The following ADAMTSL1 variants were observed in gnomAD, a reference collection of about 807,000 sequenced individuals.
ADAMTSL1 encodes ADAMTS-like protein 1.
Under a neutral mutation model 201.8 loss-of-function variants are expected in ADAMTSL1, and 126 were observed. The observed-to-expected ratio is 0.62, with a 90% CI of 0.54 to 0.72. ADAMTSL1 has a LOEUF of 0.72. ADAMTSL1 is among the 30% of genes least tolerant of loss of function. The pLI is 0.00. For missense variants in ADAMTSL1, 2,679 were observed against 2,277.8 expected (o/e 1.18, Z -3.59); for synonymous variants, 1,121 against 903.4 (o/e 1.24, Z -4.32).
At chr9:18,014,287 C>T (rs1216827297) in intron 1 of ADAMTSL1, among the ~76,000 whole-genome samples, 1 of 151,894 alleles carries the variant, frequency 6.6e-6, no homozygotes, top group African/African-American at 2.4e-5. Flanking sequence ...ACCTGATATG[C>T]AACATCATGT....
intron 23 of ADAMTSL1, among the ~76,000 whole-genome samples, chr9:18,840,510 G>A (rs905602897): frequency 2.0e-4 from 30 of 152,260 alleles, no homozygotes; most frequent in South Asian, 1.0e-3. Context: ...GGTTGACTTC[G>A]CGATGTGGGC....
At chr9:18,413,634 T>TA (rs1279731412) in intron 2 of ADAMTSL1, among the ~76,000 whole-genome samples, 2 of 152,234 alleles carry the variant, frequency 1.3e-5, no homozygotes, top group African/African-American at 4.8e-5. Flanking sequence ...TCTGGTACAG[T>TA]ATATTGACTT....
At chr9:18,771,705 C>CTTTTTTTTTTTTT (rs374268861) in intron 17 of ADAMTSL1, among the ~76,000 whole-genome samples, 1 of 91,732 alleles carries the variant, frequency 1.1e-5, no homozygotes, top group Non-Finnish European at 2.0e-5. Context: ...ACCCCAGTGC[C>CTTTTTTTTTTTTT]TTTTTTTTTT....
intron 1 of ADAMTSL1, among the ~76,000 whole-genome samples, chr9:18,016,033 G>C (rs1232368166): frequency 1.3e-5 from 2 of 152,018 alleles, no homozygotes; most frequent in African/African-American, 4.8e-5. Context: ...AGCCTTGTAT[G>C]CCAGGTAACA....
intron 2 of ADAMTSL1, among the ~76,000 whole-genome samples, chr9:18,166,627 C>A (rs1187854176): frequency 2.6e-5 from 4 of 151,880 alleles, no homozygotes; most frequent in African/African-American, 9.7e-5. Flanking sequence ...ATCCCCAGCA[C>A]ATAGAGCATT....
intron 2 of ADAMTSL1, among the ~76,000 whole-genome samples, chr9:18,284,090 C>T (rs183726129): frequency 1.3e-3 from 199 of 149,810 alleles, no homozygotes; most frequent in African/African-American, 4.2e-3. Flanking sequence ...ATTAGCTGGG[C>T]GTGGTCACAC....
intron 2 of ADAMTSL1, among the ~76,000 whole-genome samples, chr9:18,417,850 G>A (rs1298826703): frequency 4.6e-5 from 7 of 152,166 alleles, no homozygotes; most frequent in Non-Finnish European, 7.4e-5. Flanking sequence ...TAAAAATGCA[G>A]AGAAAACTTC....
intron 15 of ADAMTSL1, among the ~76,000 whole-genome samples, chr9:18,743,572 A>C (rs1052277165): frequency 3.9e-5 from 6 of 152,178 alleles, no homozygotes; most frequent in African/African-American, 1.4e-4. Flanking sequence ...TTGCCACTTC[A>C]GGTGTTTGAT....
At chr9:18,655,324 T>A (rs1266958979) in intron 7 of ADAMTSL1, among the ~76,000 whole-genome samples, 1 of 152,218 alleles carries the variant, frequency 6.6e-6, no homozygotes, top group African/African-American at 2.4e-5. Context: ...AATTTTTGTC[T>A]TGTCTTTTCA....
intron 1 of ADAMTSL1, among the ~76,000 whole-genome samples, chr9:18,001,562 G>C (rs376387801): frequency 3.3e-5 from 5 of 152,064 alleles, no homozygotes; most frequent in Non-Finnish European, 5.9e-5. Context: ...TTCAAAGAAG[G>C]TTTCCAGGAA....
At chr9:18,480,308 G>A (rs1480815237) in intron 1 of ADAMTSL1, among the ~76,000 whole-genome samples, 3 of 152,190 alleles carry the variant, frequency 2.0e-5, no homozygotes, top group African/African-American at 4.8e-5. Context: ...AAAATAGCTA[G>A]AAGTACTATA....
intron 1 of ADAMTSL1, among the ~76,000 whole-genome samples, chr9:18,476,857 G>T (rs549044410): frequency 6.6e-6 from 1 of 152,200 alleles, no homozygotes; most frequent in South Asian, 2.1e-4. Flanking sequence ...TCTGTATCAT[G>T]ACTAGGTTCT....
intron 9 of ADAMTSL1, among the ~76,000 whole-genome samples, chr9:18,675,504 A>G (rs538298165): frequency 1.3e-5 from 2 of 152,306 alleles, no homozygotes; most frequent in South Asian, 2.1e-4. Context: ...TAATGATGAT[A>G]ATAATAATGA....
chr9:18,066,213 A>G (rs1586974334), intron 1 of ADAMTSL1, among the ~76,000 whole-genome samples: 1 of 152,218 alleles, frequency 6.6e-6, no homozygotes, highest in African/African-American at 2.4e-5. Flanking sequence ...AAGCATCCCA[A>G]GTCTTGGGAA....
At chr9:17,935,812 C>T (rs775652288) in intron 1 of ADAMTSL1, among the ~76,000 whole-genome samples, 6 of 152,166 alleles carry the variant, frequency 3.9e-5, no homozygotes, top group Non-Finnish European at 8.8e-5. Flanking sequence ...TCAACTTCTG[C>T]TTTTATCTAC....
chr9:18,588,809 G>C (rs145595042), intron 4 of ADAMTSL1, among the ~76,000 whole-genome samples: 13 of 141,758 alleles, frequency 9.2e-5, no homozygotes, highest in African/African-American at 3.0e-4. Flanking sequence ...CTGTTCCATT[G>C]GTGTATCTGT....
chr9:18,251,588 T>C (rs1831466372), intron 2 of ADAMTSL1, among the ~76,000 whole-genome samples: 1 of 152,248 alleles, frequency 6.6e-6, no homozygotes. Context: ...TTATGTATTC[T>C]TTGTTTGCAG....
At chr9:18,487,390 T>C (rs562664309) in intron 1 of ADAMTSL1, among the ~76,000 whole-genome samples, 15 of 152,342 alleles carry the variant, frequency 9.8e-5, no homozygotes, top group African/African-American at 3.4e-4. Flanking sequence ...AAAGTAGATA[T>C]GCTTTGGAAC....
intron 2 of ADAMTSL1, among the ~76,000 whole-genome samples, chr9:18,214,031 C>G (rs1442890234): frequency 9.2e-5 from 14 of 152,146 alleles, no homozygotes; most frequent in African/African-American, 3.1e-4. Context: ...GCCACCGCCC[C>G]TCGCCCAAAG....
Sources: gnomAD v4.1 joint callset for allele counts (sites outside exome capture counted in the v4.1 genomes callset) on GRCh38, gnomAD v4.1.1 for gene constraint, MANE v1.5 for transcripts, NCBI Gene and HGNC (gene_info 2026-07-23, HGNC 2026-07-21) for gene names.